Variants in CLEC7A observed in about 807,000 individuals in gnomAD.
CLEC7A encodes C-type lectin domain containing 7A.
A neutral mutation model predicts 26.9 loss-of-function variants in CLEC7A; 25 were observed. The ratio of observed to expected loss-of-function variants is 0.93; its 90% CI spans 0.68 to 1.30. CLEC7A has a LOEUF of 1.30. Among genes scored for constraint, CLEC7A ranks in the 50% most tolerant of loss-of-function variants. The probability of loss-of-function intolerance (pLI) is 0.00; values close to 1 mark genes in which losing one functional copy is unlikely to be tolerated. For missense variants in CLEC7A, 275 were observed against 286.7 expected, an observed-to-expected ratio of 0.96 and a Z score of 0.29; for synonymous variants, 100 against 99.5, an observed-to-expected ratio of 1.01 and a Z score of -0.03.
chr12:10,128,207 A>AACACACACACACACACAC (rs71860807), intron 1 of CLEC7A, among the ~76,000 whole-genome samples: 143 of 132,848 alleles, frequency 1.1e-3, no homozygotes, highest in African/African-American at 4.1e-3. Flanking sequence ...ACCCTGTTAA[A>AACACACACACACACACAC]ACACACACAC....
At chr12:10,122,866 A>G (rs1388088630) in intron 5 of CLEC7A, among the ~76,000 whole-genome samples, 2 of 152,102 alleles carry the variant, frequency 1.3e-5, no homozygotes, top group South Asian at 2.1e-4. Flanking sequence ...GTGTCACACA[A>G]TCAGTGAGTG....
At position 10,126,700 on chromosome 12, in the gene CLEC7A, T is replaced by G; in HGVS notation, c.211A>C (p.Arg71=). ...AVVLGTMAIW[R]SNSGSNTLEN... ...AATGTGTTGCTTCCTGAATTGGATC[T>G]CCAAATAGCTTCACATACCAACAAT... is the stretch of plus-strand genomic sequence containing the variant. Residue 71 remains arginine (R), a synonymous_variant, in exon 3 of 6, where the codon AGA becomes CGA. Transcript: ENST00000304084. 6.2e-7 allele frequency: 1 copy of G among 1,609,348 alleles called. No individual in the cohort carries two copies.
At chr12:10,124,454 G>A (rs1948206323) in intron 4 of CLEC7A, among the ~76,000 whole-genome samples, 2 of 152,078 alleles carry the variant, frequency 1.3e-5, no homozygotes, top group Admixed American at 6.5e-5. Context: ...AACTTCTTAG[G>A]AACACGGGGA....
chr12:10,120,655 A>T lies in CLEC7A; in HGVS notation c.612-2065T>A, dbSNP rs574644308. On this transcript the variant is annotated intron_variant, in intron 5 of 5. Transcript: ENST00000304084. ...TTTGGCCAGGCTGGTATCGAACTCCAGAGATCAAGTGATCCGCCTGCCTCG... is the reference window on the plus strand; with the variant it reads ...TTTGGCCAGGCTGGTATCGAACTCCTGAGATCAAGTGATCCGCCTGCCTCG... 1.5e-3 allele frequency among the ~76,000 whole-genome samples: 233 copies of T among 150,846 alleles called. 3 individuals are homozygous for T. In the East Asian group the frequency reaches 0.035, roughly 23 times the overall value.
intron 5 of CLEC7A, among the ~76,000 whole-genome samples, chr12:10,121,408 G>C (rs1297168809): frequency 6.6e-6 from 1 of 152,168 alleles, no homozygotes; most frequent in East Asian, 1.9e-4. Context: ...AATGTTTACA[G>C]AACTGTAAGT....
At chr12:10,125,034 GAAAAATA>G in intron 4 of CLEC7A, 1 of 434,574 alleles carries the variant, frequency 2.3e-6, no homozygotes, top group Non-Finnish European at 4.3e-6. Flanking sequence ...TCGTCTCTAT[GAAAAATA>G]CAAAAAAACA....
chr12:10,127,512 T>A (rs2137457638), intron 2 of CLEC7A: 1 of 1,440,482 alleles, frequency 6.9e-7, no homozygotes, highest in Non-Finnish European at 9.8e-7. Context: ...CCCAAATTTC[T>A]AATCATGGTC....
chr12:10,127,375 C>T (rs1227626472), intron 2 of CLEC7A: 1 of 1,608,416 alleles, frequency 6.2e-7, no homozygotes, highest in Non-Finnish European at 8.5e-7. Context: ...CCATATTGTA[C>T]TTTCTTCTTC....
intron 4 of CLEC7A, chr12:10,125,013 A>G: frequency 2.8e-6 from 1 of 359,556 alleles, no homozygotes; most frequent in South Asian, 2.7e-5. Flanking sequence ...CCCAGATGAT[A>G]TGGAGAAACC....
intron 4 of CLEC7A, 99 bp downstream of exon 4, chr12:10,125,198 A>G: frequency 1.7e-6 from 2 of 1,153,988 alleles, no homozygotes; most frequent in Non-Finnish European, 2.5e-6. Context: ...AAAAAAAAAA[A>G]AGACTTCATT....
chr12:10,119,681 G>A (rs1337907763), intron 5 of CLEC7A, among the ~76,000 whole-genome samples: 1 of 152,188 alleles, frequency 6.6e-6, no homozygotes, highest in Admixed American at 6.5e-5. Flanking sequence ...AGTTTGTACT[G>A]TTCACACTAT....
At chr12:10,122,096 A>G (rs904688774) in intron 5 of CLEC7A, among the ~76,000 whole-genome samples, 1 of 152,176 alleles carries the variant, frequency 6.6e-6, no homozygotes, top group Non-Finnish European at 1.5e-5. Flanking sequence ...TAATAAAAAG[A>G]CAGAGTCAAC....
rs569753625 is a variant in CLEC7A, at chr12:10,125,022, C to A, written c.492+275G>T. 2.5e-4 allele frequency: 100 copies of A among 393,076 alleles called. 1 individual carries two copies. In the East Asian group the frequency reaches 5.3e-3, roughly 21 times the overall value. 24.3% of individuals were successfully genotyped at this position (393,076 alleles called of 1,614,324 possible). The stretch of plus-strand genomic sequence containing the variant: ...GACCAGCCCAGATGATATGGAGAAA[C>A]CTCGTCTCTATGAAAAATACAAAAA... On this transcript the variant is annotated intron_variant, in intron 4 of 5. Transcript: ENST00000304084.
intron 4 of CLEC7A, chr12:10,124,859 C>T (rs1037329267): frequency 1.2e-5 from 2 of 166,788 alleles, no homozygotes; most frequent in Non-Finnish European, 2.6e-5. Context: ...ATACTATGCA[C>T]TTTATGTGCT....
chr12:10,127,308 A>G (rs1948322953), intron 2 of CLEC7A: 1 of 1,507,264 alleles, frequency 6.6e-7, no homozygotes, highest in South Asian at 1.2e-5. Context: ...AAATAATGTG[A>G]ATCATAAAAA....
chr12:10,119,257 C>T (rs2137408298), intron 5 of CLEC7A, among the ~76,000 whole-genome samples: 1 of 152,316 alleles, frequency 6.6e-6, no homozygotes, highest in South Asian at 2.1e-4. Context: ...TGACTTGGCA[C>T]TCTTTGTCCT....
intron 2 of CLEC7A, chr12:10,127,016 A>G (rs1948313030): frequency 2.9e-6 from 4 of 1,395,320 alleles, no homozygotes; most frequent in African/African-American, 1.4e-5. Context: ...CCCATGACAG[A>G]TTTGAAATAG....
intron 1 of CLEC7A, among the ~76,000 whole-genome samples, chr12:10,128,247 C>CACACACACA (rs3221301): frequency 1.5e-5 from 2 of 136,820 alleles, no homozygotes; most frequent in African/African-American, 5.9e-5. Flanking sequence ...CACACACACA[C>CACACACACA]CACCAACAAC....
chr12:10,123,842 A>C (rs1218612318), intron 4 of CLEC7A, among the ~76,000 whole-genome samples: 1 of 151,944 alleles, frequency 6.6e-6, no homozygotes. Flanking sequence ...ATGTCATTGA[A>C]TGTCTCAAAA....
Sources: gnomAD v4.1 joint callset for allele counts (sites outside exome capture counted in the v4.1 genomes callset) on GRCh38, gnomAD v4.1.1 for gene constraint, MANE v1.5 for transcripts, NCBI Gene and HGNC (gene_info 2026-07-23, HGNC 2026-07-21) for gene names.